Variants in DMBT1 observed in about 807,000 individuals in gnomAD.
DMBT1 encodes deleted in malignant brain tumors 1, also known as scavenger receptor cysteine-rich domain-containing protein DMBT1.
A neutral mutation model predicts 252.9 loss-of-function variants in DMBT1; 198 were observed. The observed-to-expected ratio is 0.78, with a 90% CI of 0.70 to 0.88. DMBT1 has a LOEUF of 0.88. DMBT1 is among the 40% of genes least tolerant of loss of function. The probability of loss-of-function intolerance (pLI) is 0.00; values close to 1 mark genes in which losing one functional copy is unlikely to be tolerated. For synonymous variants in DMBT1, 990 were observed against 942.7 expected (o/e 1.05, Z -0.92); for missense variants, 2,432 against 2,404.7 (o/e 1.01, Z -0.24).
Position 122,586,475 on chromosome 10 carries a change from T to G in DMBT1, c.1783+92T>G, listed in dbSNP as rs1337723754. 9.2e-6 allele frequency: 14 copies of G among 1,517,204 alleles called. 1 individual carries two copies. The highest frequency in any genetic ancestry group is 1.2e-5 in the Non-Finnish European group (13 of 1,128,448). The allele number at this position is 1,517,204 out of a possible 1,614,324, so 94.0% of individuals were successfully genotyped here. A position where few individuals can be genotyped will look rare whatever the true frequency, so the allele number is the denominator to read the frequency against. ...TCTAATCTCCTCACTTAGAGCTTTTTCAACTTTTCCTATATTTCTGATACC... is the reference window on the plus strand; with the variant it reads ...TCTAATCTCCTCACTTAGAGCTTTTGCAACTTTTCCTATATTTCTGATACC... On this transcript the variant is annotated intron_variant, in intron 16 of 55. Transcript: ENST00000338354.
intron 5 of DMBT1, among the ~76,000 whole-genome samples, chr10:122,573,475 CTGTGGCAGCAGAGGACA>C (rs2097684265): frequency 2.0e-5 from 3 of 152,158 alleles, no homozygotes; most frequent in African/African-American, 7.2e-5. Context: ...TGAATAGAGG[CTGTGGCAGCAGAGGACA>C]TGGGGGTAGG....
chr10:122,641,318 T>C (rs1035827134), intron 55 of DMBT1, among the ~76,000 whole-genome samples: 1 of 152,222 alleles, frequency 6.6e-6, no homozygotes, highest in Non-Finnish European at 1.5e-5. Context: ...TGTTGATAGA[T>C]GTGTACCACA....
chr10:122,599,138 G>A (rs1186490296), intron 26 of DMBT1, 41 bp downstream of exon 26: 1 of 1,613,518 alleles, frequency 6.2e-7, no homozygotes, highest in South Asian at 1.1e-5. Flanking sequence ...TTGGGGTGGA[G>A]TTTGCTCCAG....
intron 5 of DMBT1, among the ~76,000 whole-genome samples, chr10:122,573,406 G>A (rs2097683710): frequency 6.6e-6 from 1 of 152,236 alleles, no homozygotes; most frequent in Non-Finnish European, 1.5e-5. Flanking sequence ...ACCGCCAGAT[G>A]TCTTTTGACA....
At chr10:122,629,372 C>CCTG (rs1157251898) in intron 46 of DMBT1, among the ~76,000 whole-genome samples, 1 of 152,162 alleles carries the variant, frequency 6.6e-6, no homozygotes, top group Non-Finnish European at 1.5e-5. Context: ...TTGCAGAAAC[C>CCTG]CTGCTCCTAA....
At chr10:122,573,089 C>A (rs2097680053) in intron 5 of DMBT1, among the ~76,000 whole-genome samples, 1 of 152,104 alleles carries the variant, frequency 6.6e-6, no homozygotes, top group Admixed American at 6.5e-5. Context: ...ATGGCGTGAT[C>A]CCCAAAGACG....
In DMBT1 at chr10:122,617,176, G is replaced by A. The variant is rs2981810; in HGVS notation, c.4859-52G>A. On this transcript the variant is annotated intron_variant, in intron 39 of 55. Transcript: ENST00000338354. The stretch of plus-strand genomic sequence containing the variant: ...CCTCCCAGAGAACCTTTTGTTCTGT[G>A]CCTTTTCCCTTCAAGTCTAATTCTG... 2.5e-3 allele frequency: 3,917 copies of A among 1,574,948 alleles called. 47 individuals are homozygous for A. The highest frequency in any genetic ancestry group is 8.2e-3 in the South Asian group (737 of 90,048).
chr10:122,580,702 C>T (rs575896112), intron 10 of DMBT1, among the ~76,000 whole-genome samples, 164 bp from the exon 11 acceptor site: 1 of 152,058 alleles, frequency 6.6e-6, no homozygotes, highest in Non-Finnish European at 1.5e-5. Context: ...CGACCCCTTA[C>T]ACGGTGCATC....
intron 1 of DMBT1, among the ~76,000 whole-genome samples, chr10:122,562,981 C>T (rs991975705): frequency 5.9e-5 from 9 of 152,232 alleles, no homozygotes; most frequent in African/African-American, 2.2e-4. Context: ...GATGACAGCT[C>T]TGGCCCACTG....
chr10:122,580,386 G>T (rs193080839), intron 10 of DMBT1, among the ~76,000 whole-genome samples: 20 of 152,332 alleles, frequency 1.3e-4, no homozygotes, highest in Admixed American at 1.3e-3. Context: ...TATCAGGCCT[G>T]GGTTGCGTGG....
chr10:122,586,866 G>A (rs1164553019), intron 16 of DMBT1, among the ~76,000 whole-genome samples: 1 of 148,428 alleles, frequency 6.7e-6, no homozygotes, highest in African/African-American at 2.4e-5. Flanking sequence ...GAGGGATGAA[G>A]CAAGATGGCA....
At chr10:122,623,026 A>C (rs1427084760) in intron 44 of DMBT1, among the ~76,000 whole-genome samples, 1 of 151,968 alleles carries the variant, frequency 6.6e-6, no homozygotes, top group South Asian at 2.1e-4. Context: ...ATTATCCCCA[A>C]CTGAAAGCTC....
intron 52 of DMBT1, among the ~76,000 whole-genome samples, chr10:122,634,502 C>CT (rs2098209645): frequency 1.9e-5 from 2 of 106,924 alleles, no homozygotes; most frequent in Admixed American, 1.0e-4. Flanking sequence ...TTCTTTCTTT[C>CT]TTTTTTTTTC....
At position 122,586,262 on chromosome 10, in the gene DMBT1, A is replaced by T. The variant is rs767177121; in HGVS notation, c.1662A>T (p.Gly554=). ...ATGCCCGGTTTGGTCAGGGCTCAGG[A>T]CCCATTGTCCTGGATGACGTGCGCT... ...PGNARFGQGS[G]PIVLDDVRCS... Residue 554 remains glycine, a synonymous_variant, in exon 16 of 56, where the codon GGA becomes GGT. Coordinates refer to ENST00000338354, the MANE Select transcript of DMBT1 (RefSeq NM_001377530.1). 1 of 1,588,646 alleles carries T rather than the reference A, an allele frequency of 6.3e-7. No individual in the cohort carries two copies. The highest frequency in any genetic ancestry group is 8.6e-7 in the Non-Finnish European group (1 of 1,165,870).
Position 122,576,496 on chromosome 10 carries a change from T to C in DMBT1, c.381T>C (p.Cys127=). ...ILYRGSWGTV[C]DDSWDTNDAN... ...ACCGAGGCTCCTGGGGCACCGTGTG[T>C]GATGACAGCTGGGACACCAATGATG... Residue 127 remains cysteine, a synonymous_variant, in exon 7 of 56, where the codon TGT becomes TGC. Coordinates refer to ENST00000338354, the MANE Select transcript of DMBT1 (RefSeq NM_001377530.1). 1 of 1,613,972 alleles carries C rather than the reference T, an allele frequency of 6.2e-7. No homozygotes were observed. The highest frequency in any genetic ancestry group is 8.5e-7 in the Non-Finnish European group (1 of 1,179,872).
chr10:122,588,229 A>G (rs1371234276), intron 16 of DMBT1, among the ~76,000 whole-genome samples: 1 of 147,858 alleles, frequency 6.8e-6, no homozygotes, highest in Non-Finnish European at 1.5e-5. Context: ...TTTTTCTGAA[A>G]ATGAGAGGAT....
intron 25 of DMBT1, among the ~76,000 whole-genome samples, chr10:122,598,304 A>G (rs2097904187): frequency 6.6e-6 from 1 of 152,130 alleles, no homozygotes; most frequent in Non-Finnish European, 1.5e-5. Flanking sequence ...CTAAGACCTC[A>G]TTCCTGTCCC....
chr10:122,562,670 A>T (rs548609455), intron 1 of DMBT1, among the ~76,000 whole-genome samples: 1 of 152,366 alleles, frequency 6.6e-6, no homozygotes, highest in East Asian at 1.9e-4. Flanking sequence ...AACAGGCAGC[A>T]GTGCTCTTGG....
chr10:122,634,231 G>A (rs2098190888), intron 52 of DMBT1, among the ~76,000 whole-genome samples: 1 of 152,278 alleles, frequency 6.6e-6, no homozygotes, highest in Admixed American at 6.5e-5. Flanking sequence ...TTCCCCAGGG[G>A]TCGGGCAGAG....
Sources: allele counts gnomAD v4.1 joint callset (sites outside exome capture counted in the v4.1 genomes callset), GRCh38; gene constraint gnomAD v4.1.1; transcripts MANE v1.5; gene names NCBI Gene and HGNC (gene_info 2026-07-23, HGNC 2026-07-21).